Variants in SCHIP1 observed in about 807,000 individuals in gnomAD.
SCHIP1 encodes schwannomin-interacting protein 1.
SCHIP1 carries 8 observed loss-of-function variants against 29.7 expected under a neutral mutation model. The observed-to-expected ratio is 0.27, with a 90% CI of 0.16 to 0.49. The LOEUF (loss-of-function observed/expected upper bound fraction) is 0.49, where lower values mean the gene tolerates loss of function less well. Among genes scored for constraint, SCHIP1 ranks in the 20% least tolerant of loss-of-function variants. SCHIP1 has a pLI of 0.99. For synonymous variants in SCHIP1, 76 were observed against 94.9 expected (o/e 0.80, Z 1.16); for missense variants, 193 against 294.6 (o/e 0.66, Z 2.52).
At chr3:159,794,107 G>C in the SCHIP1 span, among the ~76,000 whole-genome samples, 1 of 152,156 alleles carries the variant, frequency 6.6e-6, no homozygotes, top group Non-Finnish European at 1.5e-5. Context: ...CACAGGTTCT[G>C]GGGATCAGAA....
At chr3:159,874,510 C>T (rs572188834) in intron 2 of SCHIP1, among the ~76,000 whole-genome samples, 27 of 152,288 alleles carry the variant, frequency 1.8e-4, no homozygotes, top group African/African-American at 6.5e-4. Flanking sequence ...GAGTGGGGGG[C>T]ACCCTAACTG....
At chr3:159,351,159 C>T in the SCHIP1 span, among the ~76,000 whole-genome samples, 1 of 152,148 alleles carries the variant, frequency 6.6e-6, no homozygotes, top group African/African-American at 2.4e-5. Flanking sequence ...TACCTTCATG[C>T]TCTTACAGTT....
chr3:159,382,603 A>G, the SCHIP1 span, among the ~76,000 whole-genome samples: 19 of 151,994 alleles, frequency 1.3e-4, no homozygotes, highest in South Asian at 2.1e-4. Flanking sequence ...ATGATTTATA[A>G]TCCTTTGGGT....
At chr3:159,524,896 C>A in the SCHIP1 span, among the ~76,000 whole-genome samples, 8 of 152,136 alleles carry the variant, frequency 5.3e-5, no homozygotes, top group African/African-American at 1.7e-4. Flanking sequence ...AGAATCTGAG[C>A]ACTCCTCATG....
At chr3:159,896,572 A>C in intron 6 of SCHIP1, 151 bp from the exon 8 acceptor site, 1 of 609,258 alleles carries the variant, frequency 1.6e-6, no homozygotes, top group Non-Finnish European at 2.5e-6. Context: ...TCAGAGTTCA[A>C]AGAGTTTGAA....
the SCHIP1 span, among the ~76,000 whole-genome samples, chr3:159,660,235 G>A: frequency 1.2e-4 from 18 of 152,204 alleles, no homozygotes; most frequent in Admixed American, 5.9e-4. Context: ...GATGGGAGTC[G>A]GATATGAAAT....
At chr3:159,465,495 TG>T in the SCHIP1 span, among the ~76,000 whole-genome samples, 1 of 152,046 alleles carries the variant, frequency 6.6e-6, no homozygotes, top group African/African-American at 2.4e-5. Context: ...GGCTATGTGG[TG>T]GAGGATTAAA....
chr3:159,680,543 T>TATATATATA, the SCHIP1 span, among the ~76,000 whole-genome samples: 3 of 117,408 alleles, frequency 2.6e-5, no homozygotes, highest in Admixed American at 1.3e-4. Context: ...ATAATATATG[T>TATATATATA]ATATATATAA....
At chr3:159,628,952 T>C in the SCHIP1 span, among the ~76,000 whole-genome samples, 1 of 152,116 alleles carries the variant, frequency 6.6e-6, no homozygotes, top group Non-Finnish European at 1.5e-5. Context: ...AGAAAAATTG[T>C]CTCTATAAAA....
At chr3:159,290,575 A>C in the SCHIP1 span, among the ~76,000 whole-genome samples, 11 of 152,150 alleles carry the variant, frequency 7.2e-5, no homozygotes, top group Non-Finnish European at 1.5e-4. Flanking sequence ...TAATGAAAAC[A>C]AATGAATCTA....
chr3:159,425,293 A>C, the SCHIP1 span, among the ~76,000 whole-genome samples: 1 of 152,110 alleles, frequency 6.6e-6, no homozygotes, highest in Non-Finnish European at 1.5e-5. Context: ...TATTCAGGAA[A>C]CCCATCTCAC....
chr3:159,641,132 G>T, the SCHIP1 span, among the ~76,000 whole-genome samples: 2 of 152,072 alleles, frequency 1.3e-5, no homozygotes, highest in East Asian at 3.9e-4. Context: ...ACCATACCTG[G>T]TATGTAATAG....
the SCHIP1 span, among the ~76,000 whole-genome samples, chr3:159,529,468 AT>A: frequency 6.6e-6 from 1 of 151,842 alleles, no homozygotes; most frequent in Non-Finnish European, 1.5e-5. Flanking sequence ...TTTTATTTTT[AT>A]TTTTTAAGTT....
At chr3:159,621,226 G>C in the SCHIP1 span, among the ~76,000 whole-genome samples, 3 of 152,296 alleles carry the variant, frequency 2.0e-5, no homozygotes, top group South Asian at 4.1e-4. Flanking sequence ...TTGATGAGTG[G>C]ACAGGAATCT....
the SCHIP1 span, among the ~76,000 whole-genome samples, chr3:159,600,145 C>T: frequency 6.6e-6 from 1 of 152,100 alleles, no homozygotes; most frequent in Non-Finnish European, 1.5e-5. Flanking sequence ...TTAGGACTCA[C>T]ATTTTGTCTT....
At chr3:159,679,046 T>C in the SCHIP1 span, among the ~76,000 whole-genome samples, 1 of 152,196 alleles carries the variant, frequency 6.6e-6, no homozygotes, top group Admixed American at 6.5e-5. Context: ...TATTGAATAA[T>C]GCCCAAAGGA....
At chr3:159,493,971 T>A in the SCHIP1 span, among the ~76,000 whole-genome samples, 1 of 151,896 alleles carries the variant, frequency 6.6e-6, no homozygotes, top group Admixed American at 6.5e-5. Context: ...CTCAACTACA[T>A]GGAAACTGAA....
the SCHIP1 span, among the ~76,000 whole-genome samples, chr3:159,456,398 C>T: frequency 6.6e-6 from 1 of 152,116 alleles, no homozygotes; most frequent in African/African-American, 2.4e-5. Context: ...AGCTTTCATA[C>T]TTTGGTTTGG....
chr3:159,790,161 C>G, the SCHIP1 span, among the ~76,000 whole-genome samples: 2 of 152,188 alleles, frequency 1.3e-5, no homozygotes, highest in African/African-American at 4.8e-5. Context: ...AAAGAGTGCT[C>G]CTCTCTGCTC....
Sources: gnomAD v4.1 joint callset for allele counts (sites outside exome capture counted in the v4.1 genomes callset) on GRCh38, gnomAD v4.1.1 for gene constraint, MANE v1.5 for transcripts, NCBI Gene and HGNC (gene_info 2026-07-23, HGNC 2026-07-21) for gene names.